Variants in ZC3H7B observed in about 807,000 individuals in gnomAD.
ZC3H7B encodes zinc finger CCCH domain-containing protein 7B.
Under a neutral mutation model 116.0 loss-of-function variants are expected in ZC3H7B, and 35 were observed. The observed-to-expected ratio is 0.30, with a 90% CI of 0.23 to 0.40. The LOEUF (loss-of-function observed/expected upper bound fraction) is 0.40, where lower values mean the gene tolerates loss of function less well. ZC3H7B is among the 10% of genes least tolerant of loss of function. The pLI, the probability that ZC3H7B is intolerant of heterozygous loss-of-function variation, is 1.00. For missense variants in ZC3H7B, 1,011 were observed against 1,321.5 expected (o/e 0.77, Z 3.64); for synonymous variants, 502 against 545.6 (o/e 0.92, Z 1.11).
chr22:41,340,014 C>G lies in ZC3H7B; in HGVS notation c.1015C>G (p.Leu339Val). ...GCTGGCCGCCTCTGTGCTGGATGCCCTCGATCCCCCGGGCCCCACGCTGGA... is the reference window on the plus strand; with the variant it reads ...GCTGGCCGCCTCTGTGCTGGATGCCGTCGATCCCCCGGGCCCCACGCTGGA... ...KKLAASVLDA[L>V]DPPGPTLDPL... Residue 339 changes from leucine to valine, a missense_variant, in exon 10 of 23, where the codon CTC becomes GTC. This residue lies in a region of ZC3H7B where 99 missense variants were observed against 89.5 expected (regional missense o/e 1.11). Coordinates refer to ENST00000352645, the MANE Select transcript of ZC3H7B (RefSeq NM_017590.6). 1 of 1,611,152 alleles carries G rather than the reference C, an allele frequency of 6.2e-7. No homozygotes were observed. Among genetic ancestry groups the G allele is most frequent in the Non-Finnish European group, 8.5e-7 (1 of 1,179,990 alleles).
At chr22:41,334,507 G>C (rs1056544990) in intron 7 of ZC3H7B, 8 of 150,686 alleles carry the variant, frequency 5.3e-5, no homozygotes, top group African/African-American at 2.0e-4. Context: ...ATCTTGCTGG[G>C]CTCCTCCTGC....
intron 7 of ZC3H7B, among the ~76,000 whole-genome samples, chr22:41,337,006 C>T (rs1054540653): frequency 1.3e-5 from 2 of 151,470 alleles, no homozygotes; most frequent in South Asian, 4.2e-4. Flanking sequence ...CATGGTGGCG[C>T]ATGCCTGTAA....
At position 41,302,131 on chromosome 22, in the gene ZC3H7B, C is replaced by T. The variant is rs1056164471; in HGVS notation, c.-7+359C>T. 2.6e-5 allele frequency among the ~76,000 whole-genome samples: 4 copies of T among 152,106 alleles called. No individual in the cohort carries two copies. Among genetic ancestry groups the T allele is most frequent in the Admixed American group, 1.3e-4 (2 of 15,294 alleles). On this transcript the variant is annotated intron_variant, in intron 1 of 22. Transcript: ENST00000352645. This position sits in a 1 kb window ranked among gnomAD's most constrained non-coding sequence, Gnocchi z 5.7. The stretch of plus-strand genomic sequence containing the variant: ...TCGTGGGGCCTCTCTCTTCGGCGTC[C>T]GGAGCTTCTGGGGTGTCCAGATGCT...
chr22:41,344,424 C>T (rs529523806), intron 13 of ZC3H7B, among the ~76,000 whole-genome samples: 31 of 152,190 alleles, frequency 2.0e-4, no homozygotes, highest in Non-Finnish European at 4.1e-4. Context: ...TACACGTGCC[C>T]GTATCCACCC....
chr22:41,356,493 G>C lies in ZC3H7B; in HGVS notation c.2517+17G>C, dbSNP rs1486238869. On this transcript the variant is annotated intron_variant, in intron 21 of 22. Transcript: ENST00000352645. ...GACATCATGGTAACGCCTCCGCCCT[G>C]CATGCTCGGGGCTGCGGTCGGGGCT... 1.2e-6 allele frequency: 2 copies of C among 1,613,734 alleles called. No individual in the cohort carries two copies. Among genetic ancestry groups the C allele is most frequent in the South Asian group, 1.1e-5 (1 of 91,084 alleles).
At position 41,355,612 on chromosome 22, in the gene ZC3H7B, A is replaced by T; in HGVS notation, c.2168+10A>T. The T allele has an allele frequency of 6.2e-7, 1 of 1,613,952 alleles. No individual in the cohort carries two copies. Among genetic ancestry groups the T allele is most frequent in the Non-Finnish European group, 8.5e-7 (1 of 1,179,922 alleles). Reference sequence around the variant, plus strand: ...CCAAGGCCCGGCACTGGTGAGTGGGATGCCAGGTGGGGGCTCAGGTGGGAT... The same window carrying T: ...CCAAGGCCCGGCACTGGTGAGTGGGTTGCCAGGTGGGGGCTCAGGTGGGAT... On this transcript the variant is annotated intron_variant, in intron 18 of 22. Coordinates refer to ENST00000352645, the MANE Select transcript of ZC3H7B (RefSeq NM_017590.6).
At chr22:41,311,825 C>T (rs934424733) in intron 1 of ZC3H7B, among the ~76,000 whole-genome samples, 5 of 151,988 alleles carry the variant, frequency 3.3e-5, no homozygotes, top group Non-Finnish European at 4.4e-5. Flanking sequence ...ATAAGACGAG[C>T]CCCCAACAGA....
intron 7 of ZC3H7B, chr22:41,333,287 A>G (rs2036404987): frequency 6.6e-6 from 1 of 152,214 alleles, no homozygotes; most frequent in Non-Finnish European, 1.5e-5. Flanking sequence ...CCAGCCTGCA[A>G]AGTAGGCAGT....
chr22:41,356,940 A>G (rs1109151), intron 22 of ZC3H7B, 132 bp downstream of exon 22: 400,518 of 1,247,964 alleles, frequency 0.32, 72,136 homozygotes, highest in African/African-American at 0.74. Flanking sequence ...GACTGCAGCC[A>G]TGGGGGTGGT....
chr22:41,308,526 T>C (rs1419215680), intron 1 of ZC3H7B, among the ~76,000 whole-genome samples: 1 of 152,320 alleles, frequency 6.6e-6, no homozygotes, highest in East Asian at 1.9e-4. Flanking sequence ...CTTCAGAATA[T>C]TCCTGAATCT....
At chr22:41,313,812 G>T (rs1349735857) in intron 1 of ZC3H7B, among the ~76,000 whole-genome samples, 1 of 151,210 alleles carries the variant, frequency 6.6e-6, no homozygotes, top group East Asian at 2.0e-4. Context: ...GTGCCATCTC[G>T]GCTCACAGCA....
intron 6 of ZC3H7B, among the ~76,000 whole-genome samples, chr22:41,331,372 A>G (rs1375979539): frequency 6.7e-6 from 1 of 148,964 alleles, no homozygotes; most frequent in African/African-American, 2.5e-5. Flanking sequence ...TGGCTAACGC[A>G]GTGAAAGCCT....
At chr22:41,325,673 A>G (rs775966546) in intron 3 of ZC3H7B, 48 bp from the exon 4 acceptor site, 31 of 1,607,920 alleles carry the variant, frequency 1.9e-5, no homozygotes, top group Admixed American at 1.9e-4. Flanking sequence ...CGGGTGCCAG[A>G]GCTGGGGCCA....
rs1325591244 is a variant in ZC3H7B, at chr22:41,339,948, C to T, written c.949C>T (p.Pro317Ser). The T allele has an allele frequency of 6.2e-7, 1 of 1,612,678 alleles. No homozygotes were observed. Among genetic ancestry groups the T allele is most frequent in the Non-Finnish European group, 8.5e-7 (1 of 1,180,004 alleles). The part of the protein sequence containing the change: ...GGSIPVSSPL[P>S]PASFGLVMDP... The stretch of plus-strand genomic sequence containing the variant: ...CTCCATCCCTGTCTCCAGCCCACTG[C>T]CCCCCGCCTCCTTCGGCTTGGTCAT... The change falls in exon 10 of 23, where the codon CCC (proline) becomes TCC (serine). Residue 317 changes from proline (P) to serine (S), a missense_variant. By Grantham distance (74) the Pro-to-Ser change is moderately conservative. This residue lies in a region of ZC3H7B where 322 missense variants were observed against 443.9 expected (regional missense o/e 0.73). Transcript: ENST00000352645.
chr22:41,327,271 G>C lies in ZC3H7B; in HGVS notation c.351G>C (p.Arg117=), dbSNP rs1182248107. The C allele has an allele frequency of 2.5e-6, 4 of 1,613,946 alleles. No homozygotes were observed. The African/African-American group carries it at 4.0e-5, about 16-fold the overall frequency. ...TGGGCCTGGACAGTGAGAGTATCCGGGCGTTGTTCCGCAAGGCACGCGCTC... is the reference window on the plus strand; with the variant it reads ...TGGGCCTGGACAGTGAGAGTATCCGCGCGTTGTTCCGCAAGGCACGCGCTC... ...KALGLDSESI[R]ALFRKARALN... Residue 117 remains arginine, a synonymous_variant, in exon 5 of 23, where the codon CGG becomes CGC. Transcript: ENST00000352645. The surrounding 1 kb of genome is among the most constrained non-coding windows in gnomAD (Gnocchi z 4.5).
chr22:41,349,013 A>AG lies in ZC3H7B; in HGVS notation c.1767-102dup. 1.6e-6 allele frequency: 2 copies of AG among 1,242,268 alleles called. No individual in the cohort carries two copies. Among genetic ancestry groups the AG allele is most frequent in the Non-Finnish European group, 2.2e-6 (2 of 890,788 alleles). The allele number at this position is 1,242,268 out of a possible 1,614,324, so 77.0% of individuals were successfully genotyped here. A position where few individuals can be genotyped will look rare whatever the true frequency, so the allele number is the denominator to read the frequency against. ...ATGGCCTGGATTTGGTACATAGATCAGGGGGTGCCCAGGGAGAGCCTGGCA... is the reference window on the plus strand; with the variant it reads ...ATGGCCTGGATTTGGTACATAGATCAGGGGGGTGCCCAGGGAGAGCCTGGCA... On this transcript the variant is annotated intron_variant, in intron 15 of 22. Coordinates refer to ENST00000352645, the MANE Select transcript of ZC3H7B (RefSeq NM_017590.6). The surrounding 1 kb of genome is among the most constrained non-coding windows in gnomAD (Gnocchi z 4.9).
At chr22:41,328,569 T>C (rs932506496) in intron 5 of ZC3H7B, among the ~76,000 whole-genome samples, 5 of 152,220 alleles carry the variant, frequency 3.3e-5, no homozygotes, top group African/African-American at 9.6e-5. Context: ...GTTCACTGAC[T>C]GTTCTCCCCC....
chr22:41,308,326 C>T lies in ZC3H7B; in HGVS notation c.-7+6554C>T, dbSNP rs192481663. Reference sequence around the variant, plus strand: ...GCATCTCTGTGTCATCCCTCTCCCTCCACAGGCTGAGGAACGCAGGGCAGG... The same window carrying T: ...GCATCTCTGTGTCATCCCTCTCCCTTCACAGGCTGAGGAACGCAGGGCAGG... On this transcript the variant is annotated intron_variant, in intron 1 of 22. Coordinates refer to ENST00000352645, the MANE Select transcript of ZC3H7B (RefSeq NM_017590.6). Among the ~76,000 whole-genome samples the T allele has an allele frequency of 6.0e-4, 91 of 152,234 alleles. 2 individuals carry two copies. The highest frequency in any genetic ancestry group is 6.8e-3 in the Middle Eastern group (2 of 294).
intron 11 of ZC3H7B, 135 bp from the exon 12 acceptor site, chr22:41,342,394 G>T: frequency 1.4e-6 from 1 of 698,594 alleles, no homozygotes; most frequent in Non-Finnish European, 2.4e-6. Context: ...GAAGAGGAAG[G>T]GTCCTGGGCT....
Sources: allele counts gnomAD v4.1 joint callset (sites outside exome capture counted in the v4.1 genomes callset), GRCh38; gene constraint gnomAD v4.1.1; regional missense constraint gnomAD v4.1.1; non-coding constraint Gnocchi (gnomAD v3.1); transcripts MANE v1.5; gene names NCBI Gene and HGNC (gene_info 2026-07-23, HGNC 2026-07-21).